IL13RA1: variants seen among roughly 807,000 people sequenced by gnomAD.
The protein encoded by IL13RA1 is interleukin-13 receptor subunit alpha-1.
A neutral mutation model predicts 33.8 loss-of-function variants in IL13RA1; 14 were observed. The observed-to-expected ratio is 0.41, with a 90% CI of 0.27 to 0.65. IL13RA1 has a LOEUF of 0.65. IL13RA1 is among the 30% of genes least tolerant of loss of function. The probability of loss-of-function intolerance (pLI) is 0.28; values close to 1 mark genes in which losing one functional copy is unlikely to be tolerated. For missense variants in IL13RA1, 313 were observed against 327.0 expected (o/e 0.96, Z 0.33); for synonymous variants, 116 against 115.7 (o/e 1.00, Z -0.02).
intron 4 of IL13RA1, among the ~76,000 whole-genome samples, chrX:118,755,241 G>T (rs372320145): frequency 1.2e-4 from 13 of 111,105 alleles, no homozygotes; most frequent in African/African-American, 4.3e-4. Context: ...GACCCATGGC[G>T]CCTGGCCTGG....
At chrX:118,743,207 C>T (rs931904112) in intron 2 of IL13RA1, among the ~76,000 whole-genome samples, 3 of 111,878 alleles carry the variant, frequency 2.7e-5, no homozygotes, top group Non-Finnish European at 5.6e-5. Context: ...TTTTCCTCTC[C>T]TCTTTCTGTC....
chrX:118,757,676 G>GC (rs1438405048), intron 4 of IL13RA1, among the ~76,000 whole-genome samples: 1 of 80,088 alleles, frequency 1.2e-5, no homozygotes, highest in Non-Finnish European at 2.4e-5. Flanking sequence ...AAAGAATTCT[G>GC]CCTTTTTTTT....
At chrX:118,777,937 A>C (rs2017803886) in intron 10 of IL13RA1, among the ~76,000 whole-genome samples, 1 of 111,924 alleles carries the variant, frequency 8.9e-6, no homozygotes, top group African/African-American at 3.2e-5. Flanking sequence ...TGATTTCTGG[A>C]GTCAGATTGT....
intron 5 of IL13RA1, chrX:118,759,008 A>G (rs191402465): frequency 8.9e-5 from 10 of 112,152 alleles, no homozygotes; most frequent in Admixed American, 4.7e-4. Flanking sequence ...GATACTCATA[A>G]TGATCATATG....
intron 4 of IL13RA1, among the ~76,000 whole-genome samples, chrX:118,752,520 G>A (rs2017482026): frequency 9.0e-6 from 1 of 111,627 alleles, no homozygotes; most frequent in South Asian, 3.7e-4. Context: ...AGCCTTCCTT[G>A]ACCTCTCAAG....
chrX:118,784,108 T>TATATATAC (rs1471180706), intron 10 of IL13RA1, among the ~76,000 whole-genome samples: 3 of 47,056 alleles, frequency 6.4e-5, no homozygotes, highest in African/African-American at 1.4e-4. Flanking sequence ...TATATATATA[T>TATATATAC]ACGTATATAT....
intron 10 of IL13RA1, among the ~76,000 whole-genome samples, chrX:118,786,895 C>T (rs1000498189): frequency 8.9e-6 from 1 of 112,106 alleles, no homozygotes; most frequent in African/African-American, 3.2e-5. Flanking sequence ...AAACCCTTCC[C>T]TTTATCAGTT....
chrX:118,757,100 A>C (rs974791638), intron 4 of IL13RA1, among the ~76,000 whole-genome samples: 5 of 111,821 alleles, frequency 4.5e-5, no homozygotes, highest in Non-Finnish European at 9.4e-5. Flanking sequence ...CCAGAGGAGG[A>C]ATCGTAGACT....
chrX:118,798,278 C>G (rs1414209596), downstream of IL13RA1, among the ~76,000 whole-genome samples: 2 of 107,416 alleles, frequency 1.9e-5, no homozygotes, highest in Non-Finnish European at 3.8e-5. Flanking sequence ...TGCACTGTAC[C>G]ATTAATTATA....
chrX:118,727,617 G>C lies in IL13RA1; in HGVS notation c.-22G>C, dbSNP rs2147358987. The C allele has an allele frequency of 5.6e-6, 5 of 895,427 alleles. No individual in the cohort carries two copies. The South Asian group carries it at 1.8e-4, about 32-fold the overall frequency. The allele number at this position is 895,427 out of a possible 1,213,427, so 73.8% of individuals were successfully genotyped here. A position where few individuals can be genotyped will look rare whatever the true frequency, so the allele number is the denominator to read the frequency against. On this transcript the variant is annotated 5_prime_UTR_variant, in exon 1 of 11. Transcript: ENST00000371666. The stretch of plus-strand genomic sequence containing the variant: ...GGACTGCCAAGGCTCCAGCCCGGCC[G>C]GGCTCCGAGGCGAGAGGCTGCATGG...
chrX:118,735,339 C>T (rs1261708033), intron 1 of IL13RA1, among the ~76,000 whole-genome samples: 1 of 109,883 alleles, frequency 9.1e-6, no homozygotes, highest in East Asian at 2.9e-4. Context: ...TCATTATTTC[C>T]TTCCTTATGA....
At chrX:118,800,320 G>T in the IL13RA1 span, among the ~76,000 whole-genome samples, 1,425 of 110,311 alleles carry the variant, frequency 0.013, 19 homozygotes, top group African/African-American at 0.033. Flanking sequence ...TCTTGCTACT[G>T]CTCACTCTTT....
At chrX:118,750,036 G>T (rs1342802651) in intron 4 of IL13RA1, among the ~76,000 whole-genome samples, 1 of 111,664 alleles carries the variant, frequency 9.0e-6, no homozygotes, top group Non-Finnish European at 1.9e-5. Context: ...GTTTCTCCCA[G>T]TGGTAACATC....
intron 10 of IL13RA1, among the ~76,000 whole-genome samples, chrX:118,790,881 AG>A (rs1440509905): frequency 8.9e-6 from 1 of 111,736 alleles, no homozygotes; most frequent in Non-Finnish European, 1.9e-5. Context: ...AACCTAATGC[AG>A]GGTTTGGTAG....
At chrX:118,731,089 A>G (rs1175097921) in intron 1 of IL13RA1, among the ~76,000 whole-genome samples, 1 of 112,403 alleles carries the variant, frequency 8.9e-6, no homozygotes, top group Non-Finnish European at 1.9e-5. Context: ...ATGTTGTGCT[A>G]GATGACTGTA....
chrX:118,743,578 T>G (rs921608617), intron 2 of IL13RA1, among the ~76,000 whole-genome samples: 2 of 112,029 alleles, frequency 1.8e-5, no homozygotes, highest in African/African-American at 6.5e-5. Context: ...TTAGGCAAAC[T>G]AATCAAAAGG....
At chrX:118,789,702 C>G (rs1475767519) in intron 10 of IL13RA1, among the ~76,000 whole-genome samples, 1 of 111,290 alleles carries the variant, frequency 9.0e-6, no homozygotes, top group African/African-American at 3.3e-5. Context: ...TTTATGCAGT[C>G]AAATCTTCCT....
intron 8 of IL13RA1, chrX:118,770,564 CGTTCCGCAAGCT>C (rs767257720): frequency 7.7e-6 from 4 of 519,527 alleles, no homozygotes; most frequent in Admixed American, 2.4e-5. Flanking sequence ...GCGCTGCCCA[CGTTCCGCAAGCT>C]GTTCCGCAAG....
At position 118,770,242 on chromosome X, in the gene IL13RA1, G is replaced by A. The variant is rs750967585; in HGVS notation, c.1009+3266G>A. On this transcript the variant is annotated intron_variant, in intron 8 of 10. Transcript: ENST00000371666. ...AGTCAATGAGTGCACCCACTGCGCC[G>A]CCTGCCCATCGTGCACCCTGCAATG... 1.3e-5 allele frequency: 4 copies of A among 311,516 alleles called. No homozygotes were observed. The East Asian group carries it at 2.9e-4, about 22-fold the overall frequency. 25.7% of individuals were successfully genotyped at this position (311,516 alleles called of 1,213,427 possible).
Sources: allele counts gnomAD v4.1 joint callset (sites outside exome capture counted in the v4.1 genomes callset), GRCh38; gene constraint gnomAD v4.1.1; transcripts MANE v1.5; gene names NCBI Gene and HGNC (gene_info 2026-07-23, HGNC 2026-07-21).